The following NLGN4X variants were observed in gnomAD, a reference collection of about 807,000 sequenced individuals.
NLGN4X encodes the protein neuroligin 4 X-linked.
In NLGN4X, 3 loss-of-function variants were observed where a neutral mutation model predicts 40.3. That is an observed-to-expected ratio of 0.07 (90% confidence interval 0.03 to 0.19). The LOEUF (loss-of-function observed/expected upper bound fraction) is 0.19. Ranked by LOEUF, NLGN4X falls within the 10% of genes least tolerant of loss-of-function variation. The pLI is 1.00. For missense variants in NLGN4X, 382 were observed against 708.3 expected (o/e 0.54, Z 5.23); for synonymous variants, 270 against 306.8 (o/e 0.88, Z 1.25).
intron 2 of NLGN4X, among the ~76,000 whole-genome samples, chrX:6,057,321 T>C (rs773790476): frequency 1.0e-3 from 113 of 111,778 alleles, no homozygotes; most frequent in African/African-American, 3.4e-3. Flanking sequence ...TAGAGGAAGC[T>C]TGATTCTGCC....
In NLGN4X at chrX:5,891,788, T is replaced by C. The variant is rs1315959699; in HGVS notation, c.*1029A>G. ...GACCCATCTCTGTACTGCAATTTCATGAAGGCTAACACGTACAAGTCAAAA... is the reference window on the plus strand; with the variant it reads ...GACCCATCTCTGTACTGCAATTTCACGAAGGCTAACACGTACAAGTCAAAA... On this transcript the variant is annotated 3_prime_UTR_variant, in exon 6 of 6. Coordinates refer to ENST00000381095, the MANE Select transcript of NLGN4X (RefSeq NM_181332.3). The C allele has an allele frequency of 6.4e-6, 1 of 157,045 alleles. No individual in the cohort carries two copies. Among genetic ancestry groups the C allele is most frequent in the East Asian group, 2.3e-4 (1 of 4,427 alleles). 12.9% of individuals were successfully genotyped at this position (157,045 alleles called of 1,213,427 possible).
chrX:5,960,880 A>T (rs952491410), intron 3 of NLGN4X, among the ~76,000 whole-genome samples: 2 of 111,991 alleles, frequency 1.8e-5, no homozygotes, highest in African/African-American at 6.5e-5. Context: ...ATACTTCACC[A>T]CCATATTTTC....
At chrX:6,124,279 T>C (rs952389400) in intron 2 of NLGN4X, among the ~76,000 whole-genome samples, 1 of 111,590 alleles carries the variant, frequency 9.0e-6, no homozygotes, top group Non-Finnish European at 1.9e-5. Flanking sequence ...ACATAGTATA[T>C]CCATATACAT....
chrX:5,985,300 T>C (rs1237887262), intron 3 of NLGN4X, among the ~76,000 whole-genome samples: 2 of 111,580 alleles, frequency 1.8e-5, no homozygotes, highest in East Asian at 2.8e-4. Context: ...TGTTCTGTCA[T>C]CCAGGTTGCA....
At chrX:6,209,060 C>T (rs915918214) in intron 1 of NLGN4X, among the ~76,000 whole-genome samples, 6 of 111,967 alleles carry the variant, frequency 5.4e-5, no homozygotes, top group African/African-American at 9.7e-5. Flanking sequence ...ATAAAAAGAA[C>T]GAAACTATCT....
At chrX:6,180,337 G>A (rs772762524) in intron 1 of NLGN4X, among the ~76,000 whole-genome samples, 11 of 110,991 alleles carry the variant, frequency 9.9e-5, no homozygotes, top group Non-Finnish European at 1.9e-4. Flanking sequence ...CGGCCCCCTT[G>A]GTACTGTATA....
chrX:6,028,844 A>G (rs2036779345), intron 3 of NLGN4X, among the ~76,000 whole-genome samples: 1 of 112,011 alleles, frequency 8.9e-6, no homozygotes, highest in South Asian at 3.7e-4. Context: ...CAAAGGCTCA[A>G]CATAATCAGT....
At chrX:6,219,932 T>A (rs6639610) in intron 1 of NLGN4X, among the ~76,000 whole-genome samples, 6,157 of 111,696 alleles carry the variant, frequency 0.055, 421 homozygotes, top group African/African-American at 0.19. Context: ...TGATTTTGAT[T>A]TTAGTAAATT....
rs182720678 is a variant in NLGN4X at position 6,034,119 on chromosome X, G to A, written c.473-4687C>T. Among the ~76,000 whole-genome samples the A allele has an allele frequency of 4.9e-3, 555 of 112,258 alleles. 5 individuals carry two copies. Among genetic ancestry groups the A allele is most frequent in the African/African-American group, 0.017 (534 of 30,912 alleles). Reference sequence around the variant, plus strand: ...GTCAAGTAATGTCCATTTCATGGGGGCTTAATACCTTTTAAAACCAGACCT... The same window carrying A: ...GTCAAGTAATGTCCATTTCATGGGGACTTAATACCTTTTAAAACCAGACCT... On this transcript the variant is annotated intron_variant, in intron 2 of 5. Coordinates refer to ENST00000381095, the MANE Select transcript of NLGN4X (RefSeq NM_181332.3).
At chrX:5,967,127 C>T (rs1243306508) in intron 3 of NLGN4X, among the ~76,000 whole-genome samples, 1 of 111,194 alleles carries the variant, frequency 9.0e-6, no homozygotes, top group Non-Finnish European at 1.9e-5. Context: ...CAGAATGAGG[C>T]CATTTTATCA....
At chrX:6,189,738 C>T (rs1186874853) in intron 1 of NLGN4X, among the ~76,000 whole-genome samples, 1 of 110,969 alleles carries the variant, frequency 9.0e-6, no homozygotes, top group African/African-American at 3.3e-5. Flanking sequence ...ATGTGCTTTG[C>T]ACTGCAGCTA....
At chrX:6,114,552 AC>A (rs2039230022) in intron 2 of NLGN4X, among the ~76,000 whole-genome samples, 2 of 110,039 alleles carry the variant, frequency 1.8e-5, no homozygotes, top group Non-Finnish European at 3.8e-5. Context: ...ACACACACAC[AC>A]ACACACAAAC....
intron 1 of NLGN4X, among the ~76,000 whole-genome samples, chrX:6,217,459 A>G (rs1259938435): frequency 9.0e-6 from 1 of 111,060 alleles, no homozygotes; most frequent in African/African-American, 3.3e-5. Context: ...TAAATCCTGG[A>G]AGGTTATTTT....
At chrX:5,946,051 A>G (rs1273364616) in intron 3 of NLGN4X, among the ~76,000 whole-genome samples, 1 of 111,705 alleles carries the variant, frequency 9.0e-6, no homozygotes, top group African/African-American at 3.3e-5. Context: ...CTTTGTGCTC[A>G]TCAGTATTAC....
intron 3 of NLGN4X, among the ~76,000 whole-genome samples, chrX:5,925,851 C>T (rs7056564): frequency 1.6e-4 from 6 of 36,394 alleles, no homozygotes; most frequent in South Asian, 1.5e-3. Context: ...TATACATACA[C>T]ATATATATAT....
chrX:6,016,567 C>CA (rs964209492), intron 3 of NLGN4X, among the ~76,000 whole-genome samples: 1 of 111,447 alleles, frequency 9.0e-6, no homozygotes, highest in Non-Finnish European at 1.9e-5. Flanking sequence ...GAAAGATTCT[C>CA]AAATATTTAA....
chrX:6,009,261 G>A (rs1384052096), intron 3 of NLGN4X, among the ~76,000 whole-genome samples: 3 of 111,855 alleles, frequency 2.7e-5, no homozygotes, highest in African/African-American at 6.5e-5. Context: ...CCCAGAGGTA[G>A]AATTGGAGTA....
chrX:5,921,792 T>C (rs1208451663), intron 3 of NLGN4X, among the ~76,000 whole-genome samples: 5 of 112,018 alleles, frequency 4.5e-5, no homozygotes, highest in East Asian at 2.8e-4. Flanking sequence ...GGCAGATGCA[T>C]TGGGCAGCGG....
At chrX:6,147,091 C>T (rs1429353839) in intron 2 of NLGN4X, among the ~76,000 whole-genome samples, 23 of 112,031 alleles carry the variant, frequency 2.1e-4, no homozygotes, top group Non-Finnish European at 2.6e-4. Context: ...TGTGCCTGGG[C>T]GATAATGACT....
Sources: gnomAD v4.1 joint callset for allele counts (sites outside exome capture counted in the v4.1 genomes callset) on GRCh38, gnomAD v4.1.1 for gene constraint, MANE v1.5 for transcripts, NCBI Gene and HGNC (gene_info 2026-07-23, HGNC 2026-07-21) for gene names.